Variants in DIPK1A observed in about 807,000 individuals in gnomAD.
The protein encoded by DIPK1A is divergent protein kinase domain 1A.
Under a neutral mutation model 40.8 loss-of-function variants are expected in DIPK1A, and 27 were observed. The observed-to-expected ratio is 0.66, with a 90% CI of 0.49 to 0.91. The LOEUF (loss-of-function observed/expected upper bound fraction) is 0.91. Among genes scored for constraint, DIPK1A ranks in the 40% least tolerant of loss-of-function variants. The probability of loss-of-function intolerance (pLI) is 0.00; values close to 1 mark genes in which losing one functional copy is unlikely to be tolerated. For synonymous variants in DIPK1A, 166 were observed against 171.3 expected (o/e 0.97, Z 0.24); for missense variants, 412 against 505.7 (o/e 0.81, Z 1.78).
chr1:92,957,619 G>C (rs1228407478), intron 1 of DIPK1A, among the ~76,000 whole-genome samples: 1 of 152,176 alleles, frequency 6.6e-6, no homozygotes, highest in African/African-American at 2.4e-5. Context: ...TGGAAGAAGT[G>C]CTCCCTGCAC....
At chr1:92,884,460 A>T (rs1283023535) in intron 1 of DIPK1A, among the ~76,000 whole-genome samples, 1 of 151,056 alleles carries the variant, frequency 6.6e-6, no homozygotes, top group African/African-American at 2.5e-5. Flanking sequence ...CTTAAAACAA[A>T]CAAACAAAAA....
intron 2 of DIPK1A, among the ~76,000 whole-genome samples, chr1:92,852,722 A>G (rs753446804): frequency 3.3e-5 from 5 of 152,036 alleles, no homozygotes; most frequent in Non-Finnish European, 7.4e-5. Flanking sequence ...GGGGAAAGAC[A>G]GACAGGGATA....
intron 1 of DIPK1A, among the ~76,000 whole-genome samples, chr1:92,953,300 A>G (rs151197797): frequency 3.3e-5 from 5 of 152,008 alleles, no homozygotes; most frequent in Non-Finnish European, 7.4e-5. Context: ...ACCCTTGTGT[A>G]TTGTTGGTGG....
chr1:92,906,651 GCA>G (rs1649634367), intron 1 of DIPK1A, among the ~76,000 whole-genome samples: 1 of 152,134 alleles, frequency 6.6e-6, no homozygotes, highest in Non-Finnish European at 1.5e-5. Context: ...CAGTAGAGAT[GCA>G]CAGTCAAAAA....
chr1:92,895,394 T>A (rs1226021691), intron 1 of DIPK1A, among the ~76,000 whole-genome samples: 3 of 151,936 alleles, frequency 2.0e-5, no homozygotes, highest in Non-Finnish European at 4.4e-5. Flanking sequence ...ACAGAACCAA[T>A]GACAAAAACC....
chr1:92,882,132 AATC>A (rs1648404564), intron 1 of DIPK1A, among the ~76,000 whole-genome samples: 1 of 152,258 alleles, frequency 6.6e-6, no homozygotes, highest in African/African-American at 2.4e-5. Flanking sequence ...TCATGCCTGT[AATC>A]CCAGCACTTT....
At chr1:92,841,574 C>T (rs1376359173), downstream of DIPK1A, among the ~76,000 whole-genome samples, 1 of 152,100 alleles carries the variant, frequency 6.6e-6, no homozygotes, top group African/African-American at 2.4e-5. Flanking sequence ...TAGGACATCA[C>T]AGAAGTTGGG....
At chr1:92,841,438 G>A (rs1222812621), downstream of DIPK1A, among the ~76,000 whole-genome samples, 3 of 152,062 alleles carry the variant, frequency 2.0e-5, no homozygotes, top group Admixed American at 6.6e-5. Flanking sequence ...TTAATATATA[G>A]TGCTGCAATG....
intron 1 of DIPK1A, among the ~76,000 whole-genome samples, chr1:92,928,377 CTTTAA>C (rs1473332953): frequency 6.6e-6 from 1 of 152,172 alleles, no homozygotes; most frequent in Non-Finnish European, 1.5e-5. Flanking sequence ...CAATACAGTG[CTTTAA>C]TTTTTCTTTA....
At chr1:92,915,007 G>GAAACCCCATCTCTACTAAAAATAC (rs1463587742) in intron 1 of DIPK1A, among the ~76,000 whole-genome samples, 9 of 147,556 alleles carry the variant, frequency 6.1e-5, no homozygotes, top group Middle Eastern at 3.2e-3. Context: ...AGAGTCTCTT[G>GAAACCCCATCTCTACTAAAAATAC]AGCCTGGGAG....
downstream of DIPK1A, chr1:92,837,633 G>C (rs1687180368): frequency 1.9e-6 from 3 of 1,611,124 alleles, no homozygotes; most frequent in Non-Finnish European, 2.5e-6. Flanking sequence ...CTCCAGACAT[G>C]GTAAAACATT....
intron 4 of DIPK1A, among the ~76,000 whole-genome samples, chr1:92,845,772 T>C (rs150863043): frequency 6.6e-6 from 1 of 150,942 alleles, no homozygotes; most frequent in Non-Finnish European, 1.5e-5. Context: ...GGAGGCAAGG[T>C]TGCAGTGAGC....
intron 1 of DIPK1A, among the ~76,000 whole-genome samples, chr1:92,958,804 G>C (rs1410343735): frequency 6.6e-6 from 1 of 152,102 alleles, no homozygotes; most frequent in African/African-American, 2.4e-5. Flanking sequence ...TCACTCCATG[G>C]CAAATCAAAT....
At chr1:92,873,432 T>C (rs1183542464) in intron 2 of DIPK1A, among the ~76,000 whole-genome samples, 2 of 152,036 alleles carry the variant, frequency 1.3e-5, no homozygotes, top group Admixed American at 1.3e-4. Context: ...CTGGCCAACA[T>C]GGCAAAACCC....
chr1:92,942,165 A>G (rs1341858689), intron 1 of DIPK1A, among the ~76,000 whole-genome samples: 2 of 152,236 alleles, frequency 1.3e-5, no homozygotes, highest in Non-Finnish European at 2.9e-5. Flanking sequence ...AAAACTAAGA[A>G]TCAGACAGAA....
chr1:92,840,314 A>AT (rs1044796335), downstream of DIPK1A: 6 of 461,254 alleles, frequency 1.3e-5, no homozygotes, highest in African/African-American at 2.0e-5. Context: ...ACCTGGCCTG[A>AT]TTTTTTTCTT....
intron 1 of DIPK1A, among the ~76,000 whole-genome samples, chr1:92,915,533 T>C (rs1338634027): frequency 6.6e-6 from 1 of 152,190 alleles, no homozygotes; most frequent in Non-Finnish European, 1.5e-5. Context: ...AATTATCAGC[T>C]TTCCCTAATG....
chr1:92,886,164 C>A (rs1648589666), intron 1 of DIPK1A, among the ~76,000 whole-genome samples: 1 of 151,948 alleles, frequency 6.6e-6, no homozygotes, highest in African/African-American at 2.4e-5. Context: ...GAGACCCTGT[C>A]TCTACAAAAA....
rs565739397 is a variant in DIPK1A, at chr1:92,878,581, G to C, written c.55-2151C>G. Among the ~76,000 whole-genome samples the C allele has an allele frequency of 6.6e-5, 10 of 152,292 alleles. 1 individual carries two copies. The highest frequency in any genetic ancestry group is 2.4e-4 in the African/African-American group (10 of 41,568). On this transcript the variant is annotated intron_variant, in intron 1 of 4. Coordinates refer to ENST00000370310, the MANE Select transcript of DIPK1A (RefSeq NM_001006605.5). The stretch of plus-strand genomic sequence containing the variant: ...CACACCTGTAATCCCAGCACTTTGG[G>C]AGGCCGAGGTGGGCGGATCACGAGG...
Sources: allele counts gnomAD v4.1 joint callset (sites outside exome capture counted in the v4.1 genomes callset), GRCh38; gene constraint gnomAD v4.1.1; transcripts MANE v1.5; gene names NCBI Gene and HGNC (gene_info 2026-07-23, HGNC 2026-07-21).